CALCR: variants seen among roughly 807,000 people sequenced by gnomAD.
CALCR encodes calcitonin receptor.
CALCR carries 47 observed loss-of-function variants against 59.5 expected under a neutral mutation model. The observed-to-expected ratio is 0.79, with a 90% CI of 0.63 to 1.01. The LOEUF is 1.01. Among genes scored for constraint, CALCR ranks in the 50% least tolerant of loss-of-function variants. The pLI is 0.00. For missense variants in CALCR, 566 were observed against 597.1 expected, an observed-to-expected ratio of 0.95 and a Z score of 0.54; for synonymous variants, 213 against 211.3, an observed-to-expected ratio of 1.01 and a Z score of -0.07.
intron 2 of CALCR, among the ~76,000 whole-genome samples, chr7:93,498,658 T>G (rs997748039): frequency 2.0e-5 from 3 of 151,624 alleles, no homozygotes; most frequent in African/African-American, 7.3e-5. Flanking sequence ...TAATCCAATC[T>G]AAAGGATAAG....
intron 5 of CALCR, among the ~76,000 whole-genome samples, chr7:93,476,773 A>T (rs1800675468): frequency 6.6e-6 from 1 of 151,886 alleles, no homozygotes; most frequent in Non-Finnish European, 1.5e-5. Flanking sequence ...CATTGGGAAG[A>T]GTCAATAAGG....
At position 93,484,251 on chromosome 7, in the gene CALCR, C is replaced by T. The variant is rs571663178; in HGVS notation, c.51+2680G>A. On this transcript the variant is annotated intron_variant, in intron 3 of 13. Coordinates refer to ENST00000426151, the MANE Select transcript of CALCR (RefSeq NM_001742.4). ...TGGTCATATGCTTATGCAATTCCTACTGTGATGTAGGACAGTCAGTTTGCT... is the reference window on the plus strand; with the variant it reads ...TGGTCATATGCTTATGCAATTCCTATTGTGATGTAGGACAGTCAGTTTGCT... Among the ~76,000 whole-genome samples the T allele has an allele frequency of 4.6e-5, 7 of 151,888 alleles. No individual in the cohort carries two copies. In the South Asian group the frequency reaches 1.2e-3, roughly 27 times the overall value.
intron 2 of CALCR, among the ~76,000 whole-genome samples, chr7:93,505,944 T>A (rs866979802): frequency 3.0e-4 from 46 of 152,306 alleles, no homozygotes; most frequent in African/African-American, 1.1e-3. Flanking sequence ...CCACATATTA[T>A]GTAAACATCA....
intron 2 of CALCR, among the ~76,000 whole-genome samples, chr7:93,531,739 G>A (rs1022460590): frequency 6.6e-6 from 1 of 151,930 alleles, no homozygotes; most frequent in East Asian, 1.9e-4. Flanking sequence ...TGTAATGGAA[G>A]CTTAAAAACA....
chr7:93,550,640 C>A (rs5014936), intron 2 of CALCR, among the ~76,000 whole-genome samples: 2 of 146,758 alleles, frequency 1.4e-5, no homozygotes, highest in Non-Finnish European at 3.0e-5. Flanking sequence ...CACACACACA[C>A]GAGAGACAGA....
At chr7:93,537,728 A>AC (rs1164523668) in intron 2 of CALCR, among the ~76,000 whole-genome samples, 1 of 151,532 alleles carries the variant, frequency 6.6e-6, no homozygotes, top group Non-Finnish European at 1.5e-5. Context: ...ACACACACAC[A>AC]CATACATACA....
Position 93,460,845 on chromosome 7 carries a change from A to G in CALCR, c.624T>C (p.Asn208=), listed in dbSNP as rs1269688936. 1.2e-6 allele frequency: 2 copies of G among 1,610,912 alleles called. No individual in the cohort carries two copies. The highest frequency in any genetic ancestry group is 1.7e-6 in the Non-Finnish European group (2 of 1,178,570). Residue 208 remains asparagine (N), a synonymous_variant, in exon 8 of 14, where the codon AAT becomes AAC. Coordinates refer to ENST00000426151, the MANE Select transcript of CALCR (RefSeq NM_001742.4). Reference sequence around the variant, plus strand: ...CCGGGTCCCTTCGCACGAGCTCTCCATTGGGTACTACTTCAACCAGGTGGA... The same window carrying G: ...CCGGGTCCCTTCGCACGAGCTCTCCGTTGGGTACTACTTCAACCAGGTGGA... ...IIIHLVEVVP[N]GELVRRDPVS... is the part of the protein sequence containing the mutation.
Position 93,572,966 on chromosome 7 carries a change from T to C in CALCR, c.-27+1323A>G, listed in dbSNP as rs186331437. On this transcript the variant is annotated intron_variant, in intron 2 of 13. Transcript: ENST00000426151. ...TAAAATAAACTACAGGTTAGAGGCA[T>C]TGAACCAGAACAAATCCTGGCTGAT... Among the ~76,000 whole-genome samples the C allele has an allele frequency of 4.3e-3, 648 of 152,312 alleles. 3 individuals are homozygous for C. The highest frequency in any genetic ancestry group is 6.7e-3 in the Non-Finnish European group (455 of 68,012).
rs3068441 is a variant in CALCR at position 93,569,935 on chromosome 7, G to GACACACACACAC, written c.-27+4342_-27+4353dup. On this transcript the variant is annotated intron_variant, in intron 2 of 13. Coordinates refer to ENST00000426151, the MANE Select transcript of CALCR (RefSeq NM_001742.4). ...TACAATGGAACCATTGATGTAAAGG[G>GACACACACACAC]ACACACACACACACACACACACACA... Among the ~76,000 whole-genome samples the GACACACACACAC allele has an allele frequency of 4.0e-3, 573 of 144,104 alleles. 5 individuals carry two copies. The highest frequency in any genetic ancestry group is 7.5e-3 in the African/African-American group (293 of 38,810). 94.5% of individuals were successfully genotyped at this position (144,104 alleles called of 152,430 possible). A position where few individuals can be genotyped will look rare whatever the true frequency, so the allele number is the denominator to read the frequency against.
chr7:93,507,252 A>T (rs1028527158), intron 2 of CALCR, among the ~76,000 whole-genome samples: 9 of 152,092 alleles, frequency 5.9e-5, no homozygotes, highest in African/African-American at 2.2e-4. Context: ...ACACACACAC[A>T]CACGAGTAAA....
chr7:93,434,110 G>A, intron 13 of CALCR, 143 bp downstream of exon 13: 1 of 685,824 alleles, frequency 1.5e-6, no homozygotes, highest in Non-Finnish European at 2.6e-6. Context: ...TGGAGTAGTG[G>A]AAAAAACATC....
At chr7:93,469,228 A>G in intron 6 of CALCR, among the ~76,000 whole-genome samples, 1 of 151,758 alleles carries the variant, frequency 6.6e-6, no homozygotes, top group Non-Finnish European at 1.5e-5. Context: ...GGGTCCAGAG[A>G]GTATGGTGGC....
At chr7:93,480,358 T>C (rs1189918331) in intron 3 of CALCR, among the ~76,000 whole-genome samples, 2 of 151,918 alleles carry the variant, frequency 1.3e-5, no homozygotes, top group Non-Finnish European at 2.9e-5. Context: ...GAATTTTTAA[T>C]ATCCATGTTC....
At chr7:93,438,476 T>C (rs1208845987) in intron 9 of CALCR, among the ~76,000 whole-genome samples, 1 of 152,066 alleles carries the variant, frequency 6.6e-6, no homozygotes, top group African/African-American at 2.4e-5. Context: ...TTCCTGAGAG[T>C]TTGGTTAAGA....
chr7:93,487,875 T>G (rs1222664754), intron 2 of CALCR, among the ~76,000 whole-genome samples: 1 of 151,282 alleles, frequency 6.6e-6, no homozygotes, highest in Non-Finnish European at 1.5e-5. Context: ...ATAGCAAGAC[T>G]GGCCAACATG....
In CALCR at chr7:93,495,720, A is replaced by G. The variant is rs1331996173; in HGVS notation, c.-26-8713T>C. Among the ~76,000 whole-genome samples, 3 of 151,326 alleles carry G rather than the reference A, an allele frequency of 2.0e-5. No homozygotes were observed. In the East Asian group the frequency reaches 5.8e-4, roughly 29 times the overall value. On this transcript the variant is annotated intron_variant, in intron 2 of 13. Transcript: ENST00000426151. The stretch of plus-strand genomic sequence containing the variant: ...TTTTAACCACTTTTTTCAAACAAAA[A>G]CCTGGACAGGAGCCCCATCCTGCCA...
At chr7:93,500,494 T>C (rs1801299726) in intron 2 of CALCR, among the ~76,000 whole-genome samples, 1 of 152,024 alleles carries the variant, frequency 6.6e-6, no homozygotes, top group African/African-American at 2.4e-5. Context: ...CAGGCCCTGT[T>C]GTACCAATAC....
chr7:93,518,245 T>TA (rs573023738), intron 2 of CALCR, among the ~76,000 whole-genome samples: 12 of 150,838 alleles, frequency 8.0e-5, no homozygotes, highest in Middle Eastern at 3.4e-3. Flanking sequence ...CTCCAAAACA[T>TA]AAAAAAATCA....
chr7:93,484,002 C>T lies in CALCR; in HGVS notation c.51+2929G>A, dbSNP rs566048584. On this transcript the variant is annotated intron_variant, in intron 3 of 13. Coordinates refer to ENST00000426151, the MANE Select transcript of CALCR (RefSeq NM_001742.4). ...GTTCAAGTAAATGGCGTCACACATA[C>T]GACCACCAAGCTGCCACCAACAGCA... is the stretch of plus-strand genomic sequence containing the variant. 27 of 519,772 alleles carry T rather than the reference C, an allele frequency of 5.2e-5. 1 individual carries two copies. The highest frequency in any genetic ancestry group is 3.2e-4 in the Middle Eastern group (1 of 3,078). The allele number at this position is 519,772 out of a possible 1,614,324, so 32.2% of individuals were successfully genotyped here.
Sources: allele counts gnomAD v4.1 joint callset (sites outside exome capture counted in the v4.1 genomes callset), GRCh38; gene constraint gnomAD v4.1.1; transcripts MANE v1.5; gene names NCBI Gene and HGNC (gene_info 2026-07-23, HGNC 2026-07-21).